Variants in RPS6KA2 observed in about 807,000 individuals in gnomAD.
RPS6KA2 encodes ribosomal protein S6 kinase A2, also known as ribosomal protein S6 kinase alpha-2.
Under a neutral mutation model 91.8 loss-of-function variants are expected in RPS6KA2, and 42 were observed. The observed-to-expected ratio is 0.46, with a 90% confidence interval of 0.36 to 0.59. The LOEUF (loss-of-function observed/expected upper bound fraction) is 0.59. Ranked by LOEUF, RPS6KA2 falls within the 20% of genes least tolerant of loss-of-function variation. RPS6KA2 has a pLI of 0.00. For synonymous variants in RPS6KA2, 414 were observed against 393.6 expected, an observed-to-expected ratio of 1.05 and a Z score of -0.61; for missense variants, 798 against 978.5, an observed-to-expected ratio of 0.82 and a Z score of 2.46.
chr6:166,698,716 A>G (rs1789424299), intron 2 of RPS6KA2, among the ~76,000 whole-genome samples: 1 of 152,178 alleles, frequency 6.6e-6, no homozygotes, highest in Non-Finnish European at 1.5e-5. Context: ...GAGAGGGAAG[A>G]AGCTGCTGGC....
intron 1 of RPS6KA2, among the ~76,000 whole-genome samples, chr6:166,609,178 A>G (rs1786066769): frequency 6.6e-6 from 1 of 152,174 alleles, no homozygotes; most frequent in Admixed American, 6.5e-5. Flanking sequence ...CTGGTTTTCA[A>G]ACTGGGGTTC....
At position 166,444,103 on chromosome 6, in the gene RPS6KA2, A is replaced by G. The variant is rs149937846; in HGVS notation, c.1332+4621T>C. On this transcript the variant is annotated intron_variant, in intron 14 of 20. Transcript: ENST00000265678. ...AATATGTACCTAATTATGTTAAGCA[A>G]CAAAGTCCTAAGAATAAAATAAAAA... Among the ~76,000 whole-genome samples, 218 of 152,346 alleles carry G rather than the reference A, an allele frequency of 1.4e-3. 2 individuals carry two copies. Among genetic ancestry groups the G allele is most frequent in the South Asian group, 2.5e-3 (12 of 4,826 alleles).
rs139750356 is a variant in RPS6KA2 at position 166,837,558 on chromosome 6, G to A, written c.123+20642C>T. On this transcript the variant is annotated intron_variant, in intron 2 of 21. Coordinates refer to the RPS6KA2 transcript ENST00000503859. ...CTAGCCCCCAGTCCCCTCCCCCTGC[G>A]AGAAGGCTGCAGAGGACACTGGAGT... is the stretch of plus-strand genomic sequence containing the variant. Among the ~76,000 whole-genome samples, 683 of 152,314 alleles carry A rather than the reference G, an allele frequency of 4.5e-3. 4 individuals are homozygous for A. The highest frequency in any genetic ancestry group is 7.8e-3 in the Non-Finnish European group (531 of 68,010).
At chr6:166,531,621 A>G (rs968042896) in intron 2 of RPS6KA2, among the ~76,000 whole-genome samples, 6 of 152,246 alleles carry the variant, frequency 3.9e-5, no homozygotes, top group African/African-American at 1.4e-4. Flanking sequence ...TTAGAAAAAC[A>G]AACAGGAGTT....
intron 14 of RPS6KA2, among the ~76,000 whole-genome samples, chr6:166,438,921 A>G (rs7742384): frequency 2.0e-5 from 3 of 152,114 alleles, no homozygotes. Context: ...CCAATTAAAA[A>G]AAAAAAATTC....
rs1393160431 is a variant in RPS6KA2, at chr6:166,626,078, C to T, written c.99+843G>A. On this transcript the variant is annotated intron_variant, in intron 1 of 20. Transcript: ENST00000265678. The surrounding 1 kb of genome is among the most constrained non-coding windows in gnomAD (Gnocchi z 4.1). ...ACAGTGTCAGGCGAAATCTTTGGGT[C>T]CCAGCCTCAGTCTCCCCATCACCAT... Among the ~76,000 whole-genome samples, 2 of 152,204 alleles carry T rather than the reference C, an allele frequency of 1.3e-5. No homozygotes were observed. The highest frequency in any genetic ancestry group is 4.8e-5 in the African/African-American group (2 of 41,444).
intron 2 of RPS6KA2, among the ~76,000 whole-genome samples, chr6:166,807,983 G>A (rs1003729714): frequency 7.9e-5 from 12 of 151,956 alleles, no homozygotes; most frequent in Admixed American, 5.9e-4. Flanking sequence ...AGGGGAGCAC[G>A]ATGGACCCAT....
In RPS6KA2 at chr6:166,627,224, C is replaced by T; in HGVS notation, c.-205G>A. ...CGGCCGGGGCCACAATCGCTCCCTC[C>T]GCCTCCTTCTCCGCCTCCCCTGCGA... On this transcript the variant is annotated 5_prime_UTR_variant, in exon 1 of 21. Transcript: ENST00000265678. 1 of 1,027,386 alleles carries T rather than the reference C, an allele frequency of 9.7e-7. No homozygotes were observed. Among genetic ancestry groups the T allele is most frequent in the Non-Finnish European group, 1.2e-6 (1 of 858,360 alleles). 63.6% of individuals were successfully genotyped at this position (1,027,386 alleles called of 1,614,324 possible). A position where few individuals can be genotyped will look rare whatever the true frequency, so the allele number is the denominator to read the frequency against.
chr6:166,790,368 A>C (rs1166102228), intron 2 of RPS6KA2, among the ~76,000 whole-genome samples: 2 of 152,266 alleles, frequency 1.3e-5, no homozygotes, highest in Non-Finnish European at 2.9e-5. Flanking sequence ...CTACGTGAAA[A>C]GACCAAATCT....
rs146787610 is a variant in RPS6KA2 at position 166,429,956 on chromosome 6, T to C, written c.1581+497A>G. On this transcript the variant is annotated intron_variant, in intron 16 of 20. Transcript: ENST00000265678. The stretch of plus-strand genomic sequence containing the variant: ...ATGGGCAGAGGGAAAAAAGAATTTT[T>C]CTTTTCTTTTTTTTTTTTTGAGATG... 2.2e-3 allele frequency among the ~76,000 whole-genome samples: 329 copies of C among 151,620 alleles called. 1 individual carries two copies. The highest frequency in any genetic ancestry group is 7.4e-3 in the African/African-American group (303 of 41,152).
In RPS6KA2 at chr6:166,508,289, G is replaced by T; in HGVS notation, c.380-7C>A. 8 of 1,600,938 alleles carry T rather than the reference G, an allele frequency of 5.0e-6. No individual in the cohort carries two copies. Among genetic ancestry groups the T allele is most frequent in the Non-Finnish European group, 6.0e-6 (7 of 1,168,170 alleles). Reference sequence around the variant, plus strand: ...TTTCCTTCCGTCTGAAAGGCTGTGGGGGACAGAGACCCGCATTTTGACAGC... The same window carrying T: ...TTTCCTTCCGTCTGAAAGGCTGTGGTGGACAGAGACCCGCATTTTGACAGC... On this transcript the variant is annotated splice_polypyrimidine_tract_variant and splice_region_variant and intron_variant, in intron 4 of 20. Transcript: ENST00000265678. This position sits in a 1 kb window ranked among gnomAD's most constrained non-coding sequence, Gnocchi z 4.3.
intron 8 of RPS6KA2, among the ~76,000 whole-genome samples, chr6:166,496,309 C>T (rs1041010565): frequency 6.6e-6 from 1 of 151,266 alleles, no homozygotes; most frequent in Non-Finnish European, 1.5e-5. Flanking sequence ...GAGATTGCAA[C>T]ACTGCACTCC....
chr6:166,827,986 A>G (rs1243085542), intron 2 of RPS6KA2, among the ~76,000 whole-genome samples: 3 of 152,242 alleles, frequency 2.0e-5, no homozygotes, highest in African/African-American at 7.2e-5. Context: ...ATACATCTGT[A>G]AATACACATA....
intron 1 of RPS6KA2, among the ~76,000 whole-genome samples, chr6:166,574,916 G>C (rs989804571): frequency 6.6e-6 from 1 of 152,126 alleles, no homozygotes; most frequent in Non-Finnish European, 1.5e-5. Flanking sequence ...AAGACACCAA[G>C]AACCACCAGG....
At position 166,490,576 on chromosome 6, in the gene RPS6KA2, T is replaced by G; in HGVS notation, c.818+95A>C. ...TACTTTGGCACTGTAAGCCTAGCAA[T>G]GTAATTAAAACTTCACAGTTCCAGG... On this transcript the variant is annotated intron_variant, in intron 9 of 20. Coordinates refer to ENST00000265678, the MANE Select transcript of RPS6KA2 (RefSeq NM_021135.6). This position sits in a 1 kb window ranked among gnomAD's most constrained non-coding sequence, Gnocchi z 4.2. 1.2e-6 allele frequency: 1 copy of G among 843,126 alleles called. No homozygotes were observed. Among genetic ancestry groups the G allele is most frequent in the South Asian group, 1.5e-5 (1 of 68,626 alleles). 52.2% of individuals were successfully genotyped at this position (843,126 alleles called of 1,614,324 possible). A position where few individuals can be genotyped will look rare whatever the true frequency, so the allele number is the denominator to read the frequency against.
chr6:166,672,021 G>A (rs1034544977), intron 2 of RPS6KA2, among the ~76,000 whole-genome samples: 3 of 152,164 alleles, frequency 2.0e-5, no homozygotes, highest in African/African-American at 7.2e-5. Flanking sequence ...CATGATTTAC[G>A]AGTTATAGCC....
intron 17 of RPS6KA2, among the ~76,000 whole-genome samples, chr6:166,421,384 T>A (rs1456781974): frequency 6.6e-6 from 1 of 152,124 alleles, no homozygotes; most frequent in African/African-American, 2.4e-5. Context: ...TGAAGATACA[T>A]AAGAAGCAGC....
At chr6:166,598,902 C>A (rs1008896035) in intron 1 of RPS6KA2, among the ~76,000 whole-genome samples, 1 of 152,226 alleles carries the variant, frequency 6.6e-6, no homozygotes, top group Non-Finnish European at 1.5e-5. Flanking sequence ...GGCTCACTCT[C>A]AAGTGGTCCT....
rs763190 is a variant in RPS6KA2 at position 166,648,131 on chromosome 6, T to C, written c.124-109347A>G. Among the ~76,000 whole-genome samples the C allele has an allele frequency of 3.2e-5, 4 of 124,192 alleles. No homozygotes were observed. The highest frequency in any genetic ancestry group is 8.1e-5 in the Admixed American group (1 of 12,336). 81.5% of individuals were successfully genotyped at this position (124,192 alleles called of 152,430 possible). On this transcript the variant is annotated intron_variant, in intron 2 of 21. Transcript: ENST00000503859. The surrounding 1 kb of genome is among the most constrained non-coding windows in gnomAD (Gnocchi z 4.8). ...ACGTGCACACACACGCTCATACACA[T>C]ACATGCACACACGCACATGGTTACA...
Sources: allele counts gnomAD v4.1 joint callset (sites outside exome capture counted in the v4.1 genomes callset), GRCh38; gene constraint gnomAD v4.1.1; non-coding constraint Gnocchi (gnomAD v3.1); transcripts MANE v1.5; gene names NCBI Gene and HGNC (gene_info 2026-07-23, HGNC 2026-07-21).